The following ARHGAP26 variants were observed in gnomAD, a reference collection of about 807,000 sequenced individuals.
The protein encoded by ARHGAP26 is Rho GTPase activating protein 26, also known as rho GTPase-activating protein 26.
Under a neutral mutation model 104.8 loss-of-function variants are expected in ARHGAP26, and 38 were observed. The ratio of observed to expected loss-of-function variants is 0.36; its 90% CI spans 0.28 to 0.48. ARHGAP26 has a LOEUF of 0.48. ARHGAP26 is among the 20% of genes least tolerant of loss of function. ARHGAP26 has a pLI of 0.99. For synonymous variants in ARHGAP26, 341 were observed against 340.0 expected (o/e 1.00, Z -0.03); for missense variants, 704 against 947.9 (o/e 0.74, Z 3.38).
chr5:142,934,803 G>T, intron 11 of ARHGAP26, among the ~76,000 whole-genome samples: 1 of 148,224 alleles, frequency 6.7e-6, no homozygotes, highest in African/African-American at 2.5e-5. Context: ...TTTAGTTTCT[G>T]TTCTTTTTGT....
intron 1 of ARHGAP26, among the ~76,000 whole-genome samples, chr5:142,863,540 C>T (rs1488453736): frequency 2.0e-5 from 3 of 152,206 alleles, no homozygotes; most frequent in African/African-American, 7.2e-5. Context: ...TCTGCAACAG[C>T]TTAAGTTCTC....
chr5:142,813,808 G>A (rs1264543918), intron 1 of ARHGAP26, among the ~76,000 whole-genome samples: 1 of 152,052 alleles, frequency 6.6e-6, no homozygotes, highest in Non-Finnish European at 1.5e-5. Context: ...TACTGTGAAT[G>A]AGGACTTCAA....
intron 1 of ARHGAP26, among the ~76,000 whole-genome samples, chr5:142,839,621 T>C (rs1174107839): frequency 1.3e-5 from 2 of 152,184 alleles, no homozygotes. Flanking sequence ...AGACCTCATA[T>C]AGGTAAAATA....
chr5:142,883,144 C>G lies in ARHGAP26; in HGVS notation c.385-2154C>G, dbSNP rs999878956. Among the ~76,000 whole-genome samples the G allele has an allele frequency of 2.0e-5, 3 of 152,136 alleles. No homozygotes were observed. The East Asian group carries it at 5.8e-4, about 29-fold the overall frequency. The stretch of plus-strand genomic sequence containing the variant: ...ATTTTTTTCTCTAACTTTGGGTGTC[C>G]TCTTAAACATGGAATGTGGAGGCAC... On this transcript the variant is annotated intron_variant, in intron 4 of 22. Coordinates refer to ENST00000645722, the MANE Select transcript of ARHGAP26 (RefSeq NM_001135608.3).
At chr5:142,905,669 T>A (rs1295782985) in intron 8 of ARHGAP26, among the ~76,000 whole-genome samples, 1 of 152,230 alleles carries the variant, frequency 6.6e-6, no homozygotes, top group African/African-American at 2.4e-5. Context: ...GAGTATTTTC[T>A]AAGAATAAAA....
rs191268231 is a variant in ARHGAP26, at chr5:142,892,047, A to G, written c.487-2191A>G. 4.8e-3 allele frequency among the ~76,000 whole-genome samples: 723 copies of G among 151,970 alleles called. 6 individuals carry two copies. The highest frequency in any genetic ancestry group is 0.02 in the Middle Eastern group (6 of 294). On this transcript the variant is annotated intron_variant, in intron 5 of 22. Coordinates refer to ENST00000645722, the MANE Select transcript of ARHGAP26 (RefSeq NM_001135608.3). The stretch of plus-strand genomic sequence containing the variant: ...CCGCTCGTGGGCCTGTCCTGGACAC[A>G]CACCTGCACAGAGGGAGAAGTGAAA...
chr5:143,075,314 TA>T, intron 17 of ARHGAP26, among the ~76,000 whole-genome samples: 1 of 149,652 alleles, frequency 6.7e-6, no homozygotes, highest in Middle Eastern at 3.5e-3. Flanking sequence ...TAAATATAAA[TA>T]TATATAAATA....
chr5:142,941,909 T>G (rs1275817844), intron 11 of ARHGAP26, among the ~76,000 whole-genome samples: 2 of 152,234 alleles, frequency 1.3e-5, no homozygotes, highest in Non-Finnish European at 2.9e-5. Context: ...TTAGACATTC[T>G]TCTTTCAACA....
At chr5:142,792,214 C>A (rs777101550) in intron 1 of ARHGAP26, among the ~76,000 whole-genome samples, 2 of 152,200 alleles carry the variant, frequency 1.3e-5, no homozygotes, top group Non-Finnish European at 2.9e-5. Flanking sequence ...TATCTGAAAT[C>A]TTTAGTGACC....
intron 4 of ARHGAP26, among the ~76,000 whole-genome samples, chr5:142,881,816 A>T (rs1462421370): frequency 6.6e-6 from 1 of 152,238 alleles, no homozygotes; most frequent in Non-Finnish European, 1.5e-5. Flanking sequence ...GTATTGGCCA[A>T]GTGGAGGTTC....
At chr5:142,972,045 G>A (rs1280686621) in intron 11 of ARHGAP26, among the ~76,000 whole-genome samples, 1 of 152,104 alleles carries the variant, frequency 6.6e-6, no homozygotes, top group Non-Finnish European at 1.5e-5. Context: ...AGCTGGGTGT[G>A]GTGACACACG....
chr5:143,081,312 G>A (rs1789777116), intron 17 of ARHGAP26, among the ~76,000 whole-genome samples: 1 of 152,178 alleles, frequency 6.6e-6, no homozygotes, highest in South Asian at 2.1e-4. Context: ...GGAAGGAACA[G>A]CCTGGGATCA....
intron 19 of ARHGAP26, among the ~76,000 whole-genome samples, chr5:143,136,963 A>G (rs1356122694): frequency 6.6e-6 from 1 of 152,170 alleles, no homozygotes; most frequent in East Asian, 1.9e-4. Context: ...TGCTTCCCAA[A>G]TGCCAGTCAT....
intron 15 of ARHGAP26, among the ~76,000 whole-genome samples, chr5:143,055,814 CAT>C (rs1785724512): frequency 6.6e-6 from 1 of 152,138 alleles, no homozygotes; most frequent in South Asian, 2.1e-4. Context: ...GACAATGAAA[CAT>C]AGTTGTGTCT....
At position 143,006,316 on chromosome 5, in the gene ARHGAP26, C is replaced by CTGTTTTTTTTTTTT. The variant is rs772059084; in HGVS notation, c.1108-7763_1108-7762insGTTTTTTTTTTTTT. 1.8e-5 allele frequency among the ~76,000 whole-genome samples: 2 copies of CTGTTTTTTTTTTTT among 112,874 alleles called. 1 individual carries two copies. Among genetic ancestry groups the CTGTTTTTTTTTTTT allele is most frequent in the Admixed American group, 1.9e-4 (2 of 10,586 alleles). 74.0% of individuals were successfully genotyped at this position (112,874 alleles called of 152,430 possible). A position where few individuals can be genotyped will look rare whatever the true frequency, so the allele number is the denominator to read the frequency against. ...ACCAACTCCACCTTTAGTGTTTTTT[C>CTGTTTTTTTTTTTT]TTTTTTTTTTTTTTTTTTTTTTAAT... On this transcript the variant is annotated intron_variant, in intron 11 of 22. Transcript: ENST00000645722.
chr5:143,179,445 T>C (rs527620201), intron 20 of ARHGAP26, among the ~76,000 whole-genome samples: 2 of 152,348 alleles, frequency 1.3e-5, no homozygotes, highest in Admixed American at 1.3e-4. Context: ...TTTTTGTGAC[T>C]GACTTTCTGC....
chr5:142,800,717 G>A (rs553529488), intron 1 of ARHGAP26, among the ~76,000 whole-genome samples: 1 of 152,210 alleles, frequency 6.6e-6, no homozygotes, highest in Admixed American at 6.5e-5. Flanking sequence ...CCTGCTTATG[G>A]TGTCAGTTCA....
At chr5:142,905,271 T>C (rs184738151) in intron 8 of ARHGAP26, among the ~76,000 whole-genome samples, 121 of 152,380 alleles carry the variant, frequency 7.9e-4, no homozygotes, top group Middle Eastern at 3.4e-3. Context: ...TTTTGCACTC[T>C]CATGTCACAC....
intron 1 of ARHGAP26, chr5:142,860,522 A>ACCAGGGCCATTCATCAGCT (rs1244792247): frequency 3.3e-5 from 5 of 152,266 alleles, no homozygotes; most frequent in Non-Finnish European, 7.3e-5. Context: ...GGCAGTCAGC[A>ACCAGGGCCATTCATCAGCT]CCAGGGCCAT....
Sources: gnomAD v4.1 joint callset for allele counts (sites outside exome capture counted in the v4.1 genomes callset) on GRCh38, gnomAD v4.1.1 for gene constraint, MANE v1.5 for transcripts, NCBI Gene and HGNC (gene_info 2026-07-23, HGNC 2026-07-21) for gene names.